The following PSMA1 variants were observed in gnomAD, a reference collection of about 807,000 sequenced individuals.
PSMA1 encodes proteasome subunit alpha type-1.
Under a neutral mutation model 38.4 loss-of-function variants are expected in PSMA1, and 3 were observed. That is an observed-to-expected ratio of 0.08 (90% CI 0.04 to 0.20). PSMA1 has a LOEUF of 0.20. PSMA1 is among the 10% of genes least tolerant of loss of function. The probability of loss-of-function intolerance (pLI) is 1.00; values close to 1 mark genes in which losing one functional copy is unlikely to be tolerated. For synonymous variants in PSMA1, 101 were observed against 107.1 expected, an observed-to-expected ratio of 0.94 and a Z score of 0.35; for missense variants, 227 against 325.3, an observed-to-expected ratio of 0.70 and a Z score of 2.32.
intron 7 of PSMA1, among the ~76,000 whole-genome samples, chr11:14,512,775 T>C (rs1266035105): frequency 2.6e-5 from 4 of 152,244 alleles, no homozygotes; most frequent in Non-Finnish European, 5.9e-5. Context: ...AACTATATGC[T>C]GTGCGCTTTA....
At chr11:14,578,853 C>T (rs975033718) in intron 2 of PSMA1, among the ~76,000 whole-genome samples, 1 of 152,222 alleles carries the variant, frequency 6.6e-6, no homozygotes, top group Non-Finnish European at 1.5e-5. Flanking sequence ...GCTTGTTTCA[C>T]CAGAGTGTCT....
intron 1 of PSMA1, 86 bp downstream of exon 1, chr11:14,520,211 G>T: frequency 6.3e-7 from 1 of 1,594,064 alleles, no homozygotes; most frequent in Non-Finnish European, 8.6e-7. Context: ...ACCGGGCGAC[G>T]CTAAGGATGA....
At chr11:14,593,799 G>A (rs548110229) in intron 2 of PSMA1, among the ~76,000 whole-genome samples, 49 of 152,292 alleles carry the variant, frequency 3.2e-4, no homozygotes, top group African/African-American at 1.1e-3. Context: ...TCTCCAGTGG[G>A]TGAGTAGACA....
chr11:14,593,661 A>AGAGAGC (rs1214268184), intron 2 of PSMA1, among the ~76,000 whole-genome samples: 10 of 131,546 alleles, frequency 7.6e-5, no homozygotes, highest in South Asian at 4.9e-4. Flanking sequence ...AGAGAGAGAG[A>AGAGAGC]GCGCCAGCCC....
chr11:14,514,421 C>T lies in PSMA1; in HGVS notation c.325G>A (p.Val109Ile), dbSNP rs1322183138. The change falls in exon 5 of 10, where the codon GTA becomes ATA. Residue 109 changes from valine to isoleucine, a missense_variant. Val to Ile is a conservative substitution (Grantham distance 29). Coordinates refer to ENST00000396394, the MANE Select transcript of PSMA1 (RefSeq NM_002786.4). The part of the protein sequence containing the change: ...FDRPLPVSRL[V>I]SLIGSKTQIP... The stretch of plus-strand genomic sequence containing the variant: ...AGGATACTGCTTCCAATTAGAGATA[C>T]AAGACGAGACACAGGCAGTGGTCTA... 1.2e-6 allele frequency: 2 copies of T among 1,607,036 alleles called. No individual in the cohort carries two copies. Among genetic ancestry groups the T allele is most frequent in the Non-Finnish European group, 1.7e-6 (2 of 1,175,566 alleles).
intron 2 of PSMA1, among the ~76,000 whole-genome samples, chr11:14,584,009 GC>G (rs1444627987): frequency 1.3e-5 from 2 of 152,174 alleles, no homozygotes; most frequent in African/African-American, 4.8e-5. Context: ...CAGTGTCACA[GC>G]CCCCTGGACA....
chr11:14,536,602 A>G (rs939113465), intron 2 of PSMA1, among the ~76,000 whole-genome samples: 4 of 150,806 alleles, frequency 2.7e-5, no homozygotes, highest in African/African-American at 9.7e-5. Context: ...GGCAGCATTT[A>G]AAAAAATTTT....
At chr11:14,594,087 T>C (rs555825829) in intron 2 of PSMA1, among the ~76,000 whole-genome samples, 1 of 152,350 alleles carries the variant, frequency 6.6e-6, no homozygotes, top group South Asian at 2.1e-4. Flanking sequence ...ATGTTAATAA[T>C]GAGAATGGCA....
intron 8 of PSMA1, among the ~76,000 whole-genome samples, chr11:14,510,394 G>A (rs922050299): frequency 6.6e-6 from 1 of 151,962 alleles, no homozygotes; most frequent in East Asian, 1.9e-4. Context: ...ACATCCAATT[G>A]GTCATTCTTT....
intron 1 of PSMA1, among the ~76,000 whole-genome samples, chr11:14,622,853 G>A (rs1229694233): frequency 1.3e-5 from 2 of 152,182 alleles, no homozygotes; most frequent in East Asian, 1.9e-4. Context: ...AGTGTCTTAC[G>A]GCAAGTATCA....
chr11:14,618,470 T>C (rs1852802524), intron 1 of PSMA1, among the ~76,000 whole-genome samples: 1 of 152,352 alleles, frequency 6.6e-6, no homozygotes, highest in South Asian at 2.1e-4. Context: ...ATGTAATACA[T>C]GTTTCCTTGA....
At chr11:14,560,490 G>A (rs898810825) in intron 2 of PSMA1, among the ~76,000 whole-genome samples, 1 of 152,120 alleles carries the variant, frequency 6.6e-6, no homozygotes, top group Non-Finnish European at 1.5e-5. Context: ...CATGGCTGCT[G>A]CTCCTGCCTC....
intron 2 of PSMA1, among the ~76,000 whole-genome samples, chr11:14,567,808 C>T (rs1852090044): frequency 6.6e-6 from 1 of 152,124 alleles, no homozygotes; most frequent in Admixed American, 6.5e-5. Context: ...TTGCTCTTTA[C>T]AATGATTCCT....
At chr11:14,589,512 G>T (rs1246973080) in intron 2 of PSMA1, among the ~76,000 whole-genome samples, 1 of 151,538 alleles carries the variant, frequency 6.6e-6, no homozygotes, top group Non-Finnish European at 1.5e-5. Context: ...TTAGAAACAT[G>T]TGGCAACAAG....
chr11:14,561,804 C>CTAAAT (rs1225921514), intron 2 of PSMA1, among the ~76,000 whole-genome samples: 2 of 132,606 alleles, frequency 1.5e-5, no homozygotes, highest in Non-Finnish European at 3.2e-5. Flanking sequence ...CTAAACTAAA[C>CTAAAT]TAAATTAAAC....
intron 9 of PSMA1, among the ~76,000 whole-genome samples, chr11:14,505,875 A>G (rs1851236302): frequency 6.6e-6 from 1 of 152,062 alleles, no homozygotes; most frequent in South Asian, 2.1e-4. Flanking sequence ...GCATGGTGGC[A>G]CACACCTGTA....
At chr11:14,517,274 A>G (rs1210798187) in intron 4 of PSMA1, among the ~76,000 whole-genome samples, 1 of 152,222 alleles carries the variant, frequency 6.6e-6, no homozygotes, top group East Asian at 1.9e-4. Context: ...ATGTCTAATA[A>G]ATACTGATGT....
intron 2 of PSMA1, among the ~76,000 whole-genome samples, chr11:14,540,849 G>A (rs1851765479): frequency 1.3e-5 from 2 of 149,242 alleles, no homozygotes; most frequent in African/African-American, 4.9e-5. Context: ...ATGTTCTAGT[G>A]TAAAAGAAAA....
rs1195676821 is a variant in PSMA1 at position 14,629,283 on chromosome 11, G to C, written c.-166+14172C>G. ...ATGGTATTGCCTAGGTTTTCTTCTAGGGTTTTTATGGTTTTAGGTCTAACG... is the reference window on the plus strand; with the variant it reads ...ATGGTATTGCCTAGGTTTTCTTCTACGGTTTTTATGGTTTTAGGTCTAACG... On this transcript the variant is annotated intron_variant, in intron 1 of 10. Transcript: ENST00000418988. Among the ~76,000 whole-genome samples the C allele has an allele frequency of 3.9e-5, 6 of 152,072 alleles. No individual in the cohort carries two copies. In the South Asian group the frequency reaches 1.0e-3, roughly 26 times the overall value.
Sources: gnomAD v4.1 joint callset for allele counts (sites outside exome capture counted in the v4.1 genomes callset) on GRCh38, gnomAD v4.1.1 for gene constraint, MANE v1.5 for transcripts, NCBI Gene and HGNC (gene_info 2026-07-23, HGNC 2026-07-21) for gene names.